TENM2: variants seen among roughly 807,000 people sequenced by gnomAD.
TENM2 encodes the protein teneurin-2.
In TENM2, 52 loss-of-function variants were observed where a neutral mutation model predicts 245.2. The observed-to-expected ratio is 0.21, with a 90% confidence interval of 0.17 to 0.27. The LOEUF is 0.27. Among genes scored for constraint, TENM2 ranks in the 10% least tolerant of loss-of-function variants. The probability of loss-of-function intolerance (pLI) is 1.00; values close to 1 mark genes in which losing one functional copy is unlikely to be tolerated. For synonymous variants in TENM2, 1,363 were observed against 1,438.9 expected (o/e 0.95, Z 1.19); for missense variants, 3,046 against 3,666.8 (o/e 0.83, Z 4.37).
chr5:167,916,059 C>G (rs1462052446), intron 3 of TENM2, among the ~76,000 whole-genome samples: 1 of 152,174 alleles, frequency 6.6e-6, no homozygotes, highest in Non-Finnish European at 1.5e-5. Context: ...ATTAAAGAAG[C>G]TAATAACAGA....
At chr5:167,428,180 G>C (rs13186467) in intron 2 of TENM2, among the ~76,000 whole-genome samples, 3 of 151,946 alleles carry the variant, frequency 2.0e-5, no homozygotes, top group African/African-American at 7.3e-5. Context: ...AGATCATGCT[G>C]TCTCCTCAAT....
At chr5:167,909,087 T>C (rs1583337480) in intron 3 of TENM2, among the ~76,000 whole-genome samples, 1 of 149,512 alleles carries the variant, frequency 6.7e-6, no homozygotes, top group Non-Finnish European at 1.5e-5. Flanking sequence ...TTTTTTTTAG[T>C]AAAAATTGAA....
intron 27 of TENM2, among the ~76,000 whole-genome samples, chr5:168,252,903 C>T (rs1160817893): frequency 6.6e-6 from 1 of 151,496 alleles, no homozygotes; most frequent in Non-Finnish European, 1.5e-5. Context: ...CCTTGCCAAT[C>T]ACTTGCTGTG....
chr5:168,037,534 T>C (rs1787815596), intron 5 of TENM2, among the ~76,000 whole-genome samples: 1 of 74,600 alleles, frequency 1.3e-5, no homozygotes, highest in African/African-American at 5.0e-5. Context: ...AGGACCATAA[T>C]GGTCTTTTTT....
intron 2 of TENM2, among the ~76,000 whole-genome samples, chr5:167,612,574 G>T (rs927380084): frequency 6.6e-6 from 1 of 152,014 alleles, no homozygotes; most frequent in Non-Finnish European, 1.5e-5. Flanking sequence ...AACTTTAAAA[G>T]GTTGTAAATG....
chr5:167,285,178 A>C, intron 1 of TENM2, 115 bp downstream of exon 3: 1 of 736,200 alleles, frequency 1.4e-6, no homozygotes, highest in Non-Finnish European at 2.3e-6. Context: ...TGTACCCTAC[A>C]GCAGACCCTT....
intron 4 of TENM2, among the ~76,000 whole-genome samples, chr5:167,987,031 T>C (rs1051910587): frequency 6.6e-6 from 1 of 152,218 alleles, no homozygotes; most frequent in African/African-American, 2.4e-5. Flanking sequence ...AATAGTACCA[T>C]GTAAGAATAA....
chr5:167,405,156 A>G (rs11745240), intron 2 of TENM2, among the ~76,000 whole-genome samples: 65,295 of 152,080 alleles, frequency 0.43, 14,852 homozygotes, highest in Non-Finnish European at 0.49. Context: ...CCATTGTATG[A>G]ATATAGCATG....
At chr5:167,691,247 T>C (rs1013659024) in intron 2 of TENM2, among the ~76,000 whole-genome samples, 12 of 152,142 alleles carry the variant, frequency 7.9e-5, no homozygotes, top group Non-Finnish European at 1.5e-4. Context: ...TCATTTACCT[T>C]TGGCCTCATT....
the TENM2 span, among the ~76,000 whole-genome samples, chr5:167,278,070 G>A: frequency 6.6e-6 from 1 of 152,198 alleles, no homozygotes; most frequent in East Asian, 1.9e-4. Flanking sequence ...TTGGGAGGCT[G>A]AGGTGGGTAG....
chr5:167,267,525 A>G, the TENM2 span, among the ~76,000 whole-genome samples: 2 of 152,092 alleles, frequency 1.3e-5, no homozygotes, highest in African/African-American at 4.8e-5. Flanking sequence ...AAAATCAGAC[A>G]CTATCTCTAT....
chr5:168,031,138 A>C (rs1013119830), intron 5 of TENM2, among the ~76,000 whole-genome samples: 2 of 152,224 alleles, frequency 1.3e-5, no homozygotes, highest in Admixed American at 6.5e-5. Context: ...GCTTCACCAC[A>C]AAAGTGCAGC....
chr5:167,973,278 T>G (rs1276899283), intron 4 of TENM2, among the ~76,000 whole-genome samples: 1 of 152,152 alleles, frequency 6.6e-6, no homozygotes, highest in Non-Finnish European at 1.5e-5. Context: ...AGGCCAAACT[T>G]ATATAGTTAC....
chr5:168,211,770 CT>C lies in TENM2; in HGVS notation c.3845+19del. On this transcript the variant is annotated intron_variant, in intron 20 of 28. Coordinates refer to ENST00000518659, the Ensembl canonical transcript of TENM2. ...TTAAACATAGGTAAGATGAAGAACT[CT>C]TTCCCATATAATTTGATATGGTTCG... 1 of 1,335,954 alleles carries C rather than the reference CT, an allele frequency of 7.5e-7. No homozygotes were observed. Among genetic ancestry groups the C allele is most frequent in the Non-Finnish European group, 1.0e-6 (1 of 971,156 alleles). 82.8% of individuals were successfully genotyped at this position (1,335,954 alleles called of 1,614,324 possible).
intron 4 of TENM2, among the ~76,000 whole-genome samples, chr5:167,969,501 G>C (rs113700407): frequency 0.069 from 10,470 of 152,152 alleles, 407 homozygotes; most frequent in African/African-American, 0.096. Flanking sequence ...TATTAGCAGC[G>C]TAAGAACAGA....
In TENM2 at chr5:168,206,286, G is replaced by A. The variant is rs554179444; in HGVS notation, c.3824+1665G>A. On this transcript the variant is annotated intron_variant, in intron 19 of 28. Transcript: ENST00000518659. ...AAGAGTGTGCCAGGGACTGAGAGGA[G>A]TAAAAAGAGGAAAAAACAAGAGCTT... 2.4e-4 allele frequency among the ~76,000 whole-genome samples: 37 copies of A among 152,302 alleles called. No homozygotes were observed. In the South Asian group the frequency reaches 5.8e-3, roughly 24 times the overall value.
At chr5:168,081,997 G>A (rs1273724225) in intron 7 of TENM2, among the ~76,000 whole-genome samples, 1 of 152,188 alleles carries the variant, frequency 6.6e-6, no homozygotes, top group Non-Finnish European at 1.5e-5. Context: ...GGTTGGGAAA[G>A]TTCTCCTGGA....
chr5:167,653,572 G>A (rs975754915), intron 2 of TENM2: 16 of 151,582 alleles, frequency 1.1e-4, no homozygotes, highest in Admixed American at 6.6e-4. Flanking sequence ...TTAATATTCA[G>A]TATCTGGTCC....
Position 168,223,196 on chromosome 5 carries a change from C to G in TENM2, c.5109-2892C>G, listed in dbSNP as rs1763821802. ...CTAGTCCCTACCCTAAAGCTCTGCT[C>G]CCTAAAGTAGAAACTCCAATTCCTA... On this transcript the variant is annotated intron_variant, in intron 23 of 28. Coordinates refer to ENST00000518659, the Ensembl canonical transcript of TENM2. Among the ~76,000 whole-genome samples, 4 of 152,304 alleles carry G rather than the reference C, an allele frequency of 2.6e-5. No individual in the cohort carries two copies. In the South Asian group the frequency reaches 8.3e-4, roughly 32 times the overall value.
Sources: allele counts gnomAD v4.1 joint callset (sites outside exome capture counted in the v4.1 genomes callset), GRCh38; gene constraint gnomAD v4.1.1; transcripts MANE v1.5; gene names NCBI Gene and HGNC (gene_info 2026-07-23, HGNC 2026-07-21).